The following CYP2C8 variants were observed in gnomAD, a reference collection of about 807,000 sequenced individuals.
CYP2C8 encodes cytochrome P450 family 2 subfamily C member 8, also known as cytochrome P450 2C8.
A neutral mutation model predicts 41.3 loss-of-function variants in CYP2C8; 51 were observed. That is an observed-to-expected ratio of 1.24 (90% CI 0.99 to 1.56). CYP2C8 has a LOEUF of 1.56. CYP2C8 is among the 40% of genes most tolerant of loss of function. CYP2C8 has a pLI of 0.00. For missense variants in CYP2C8, 651 were observed against 579.9 expected (o/e 1.12, Z -1.26); for synonymous variants, 218 against 205.8 (o/e 1.06, Z -0.51).
Position 95,067,228 on chromosome 10 carries a change from T to G in CYP2C8, c.461A>C (p.Glu154Ala), listed in dbSNP as rs759288662. 3.7e-6 allele frequency: 6 copies of G among 1,614,084 alleles called. No homozygotes were observed. Among genetic ancestry groups the G allele is most frequent in the Non-Finnish European group, 5.1e-6 (6 of 1,179,990 alleles). Residue 154 changes from glutamate (E) to alanine (A), a missense_variant, in exon 3 of 9, where the codon GAG (glutamate) becomes GCG (alanine). Glu to Ala is a moderately radical substitution (Grantham distance 107). Coordinates refer to ENST00000371270, the MANE Select transcript of CYP2C8 (RefSeq NM_000770.3). ...CCCACCCTTGGTTTTTCTCAACTCC[T>G]CCACAAGGCAGTGAGCTTCCTCTTG... ...RVQEEAHCLV[E>A]ELRKTKASPC...
rs777501435 is a variant in CYP2C8, at chr10:95,067,294, C to T, written c.395G>A (p.Arg132Gln). Residue 132 changes from arginine (R) to glutamine (Q), a missense_variant, in exon 3 of 9, where the codon CGG becomes CAG. Transcript: ENST00000371270. The part of the protein sequence containing the change: ...EIRRFSLTTL[R>Q]NFGMGKRSIE... ...GCTCCTCTTCCCCATCCCAAAATTC[C>T]GCAAGGTTGTGAGGGAGAAACGCCG... The T allele has an allele frequency of 3.6e-5, 58 of 1,614,022 alleles. No individual in the cohort carries two copies. Among genetic ancestry groups the T allele is most frequent in the African/African-American group, 1.7e-4 (13 of 74,900 alleles).
At chr10:95,067,873 GCCTGT>G (rs2033604834) in intron 1 of CYP2C8, among the ~76,000 whole-genome samples, 182 bp from the exon 2 acceptor site, 3 of 152,074 alleles carry the variant, frequency 2.0e-5, no homozygotes. Flanking sequence ...CTTATAGATG[GCCTGT>G]GATGTGCCAC....
chr10:95,047,557 A>G (rs931518634), intron 5 of CYP2C8, among the ~76,000 whole-genome samples: 1 of 152,196 alleles, frequency 6.6e-6, no homozygotes, highest in Non-Finnish European at 1.5e-5. Flanking sequence ...GTTGTAATCC[A>G]GATAGGCAAC....
At chr10:95,046,748 T>A (rs1295757598) in intron 5 of CYP2C8, among the ~76,000 whole-genome samples, 12 of 128,976 alleles carry the variant, frequency 9.3e-5, no homozygotes, top group Admixed American at 2.4e-4. Context: ...CTAAATATGG[T>A]AAAAAAAAAA....
At chr10:95,066,151 AGAGTGTGT>A (rs1485488173) in intron 3 of CYP2C8, among the ~76,000 whole-genome samples, 33 of 82,756 alleles carry the variant, frequency 4.0e-4, no homozygotes, top group African/African-American at 1.0e-3. Flanking sequence ...AGAGAGAGAG[AGAGTGTGT>A]GTGTGTGTGT....
rs776856979 is a variant in CYP2C8, at chr10:95,067,625, C to T, written c.235G>A (p.Gly79Arg). Reference protein sequence around the residue: ...FGMNPIVVFHGYEAVKEALID... With the variant: ...FGMNPIVVFHRYEAVKEALID... ...AGGGCTTCCTTCACTGCCTCATATC[C>T]ATGAAACACCACTATGGGATTCATG... The change falls in exon 2 of 9, where the codon GGA (glycine) becomes AGA (arginine). Residue 79 changes from glycine to arginine, a missense_variant. Transcript: ENST00000371270. 6.2e-7 allele frequency: 1 copy of T among 1,614,142 alleles called. No individual in the cohort carries two copies.
At chr10:95,058,085 C>T (rs1461492730) in intron 5 of CYP2C8, among the ~76,000 whole-genome samples, 1 of 152,004 alleles carries the variant, frequency 6.6e-6, no homozygotes, top group Non-Finnish European at 1.5e-5. Flanking sequence ...CATTTGACTG[C>T]AGTGTCTATA....
In CYP2C8 at chr10:95,042,359, A is replaced by C. The variant is rs562848511; in HGVS notation, c.1149+531T>G. Reference sequence around the variant, plus strand: ...AAGTTGTTAGATATAAGGTCATCAGAATAGTATAATTGAATACAATTACTT... The same window carrying C: ...AAGTTGTTAGATATAAGGTCATCAGCATAGTATAATTGAATACAATTACTT... On this transcript the variant is annotated intron_variant, in intron 7 of 8. Transcript: ENST00000371270. Among the ~76,000 whole-genome samples the C allele has an allele frequency of 7.9e-5, 12 of 152,250 alleles. 1 individual carries two copies. In the South Asian group the frequency reaches 2.3e-3, roughly 29 times the overall value.
chr10:95,068,571 T>G (rs948596185), intron 1 of CYP2C8: 3 of 1,285,546 alleles, frequency 2.3e-6, no homozygotes, highest in Non-Finnish European at 3.0e-6. Flanking sequence ...ACTTATTGGA[T>G]GAAATTTCTA....
chr10:95,039,001 T>C lies in CYP2C8; in HGVS notation c.1187A>G (p.His396Arg). 6.2e-7 allele frequency: 1 copy of C among 1,613,732 alleles called. No individual in the cohort carries two copies. Among genetic ancestry groups the C allele is most frequent in the Non-Finnish European group, 8.5e-7 (1 of 1,179,582 alleles). ...TGGATTAGGAAATTCTTTGTCATCA[T>C]GTAGCACGGAAGTCAGTAATGCCAT... ...TIMALLTSVL[H>R]DDKEFPNPNI... Residue 396 changes from histidine (H) to arginine (R), a missense_variant, in exon 8 of 9, where the codon CAT (histidine) becomes CGT (arginine). Transcript: ENST00000371270.
At position 95,065,075 on chromosome 10, in the gene CYP2C8, C is replaced by G. The variant is rs150980065; in HGVS notation, c.482-115G>C. On this transcript the variant is annotated intron_variant, in intron 3 of 8. Transcript: ENST00000371270. ...TTTAAACAATATCTTACAAATTCCC[C>G]ATGTGTCCAAAAAAAATCAGCATGG... The G allele has an allele frequency of 9.5e-4, 924 of 977,210 alleles. 8 individuals are homozygous for G. In the African/African-American group the frequency reaches 0.014, roughly 15 times the overall value. 60.5% of individuals were successfully genotyped at this position (977,210 alleles called of 1,614,324 possible).
At chr10:95,039,082 G>A (rs760794111) in intron 7 of CYP2C8, 44 bp from the exon 8 acceptor site, 1 of 1,553,984 alleles carries the variant, frequency 6.4e-7, no homozygotes, top group African/African-American at 1.4e-5. Flanking sequence ...AAGAAGTCCA[G>A]AAGTGAGGAG....
At chr10:95,047,150 T>A (rs1215258103) in intron 5 of CYP2C8, among the ~76,000 whole-genome samples, 3 of 152,168 alleles carry the variant, frequency 2.0e-5, no homozygotes, top group Non-Finnish European at 4.4e-5. Flanking sequence ...CCCTGAGGAC[T>A]CTCCAAAAGC....
At chr10:95,045,484 G>T (rs977142289) in intron 6 of CYP2C8, among the ~76,000 whole-genome samples, 4 of 152,090 alleles carry the variant, frequency 2.6e-5, no homozygotes, top group African/African-American at 9.7e-5. Context: ...GTTCAAAGTG[G>T]ACTTTTCATA....
chr10:95,065,379 A>G (rs958267787), intron 3 of CYP2C8, among the ~76,000 whole-genome samples: 1 of 152,236 alleles, frequency 6.6e-6, no homozygotes, highest in Non-Finnish European at 1.5e-5. Context: ...TATAGCTGAA[A>G]GTATAATGTG....
At chr10:95,048,941 G>A (rs1163873793) in intron 5 of CYP2C8, among the ~76,000 whole-genome samples, 1 of 152,062 alleles carries the variant, frequency 6.6e-6, no homozygotes, top group Non-Finnish European at 1.5e-5. Context: ...ATGTTTAAAA[G>A]CAATTTCAAC....
At chr10:95,054,343 A>C (rs2033270617) in intron 5 of CYP2C8, among the ~76,000 whole-genome samples, 2 of 152,162 alleles carry the variant, frequency 1.3e-5, no homozygotes, top group South Asian at 4.1e-4. Flanking sequence ...CTGAGAAAGC[A>C]TAAGACAAAA....
At chr10:95,049,335 T>C (rs1189234556) in intron 5 of CYP2C8, among the ~76,000 whole-genome samples, 1 of 152,100 alleles carries the variant, frequency 6.6e-6, no homozygotes, top group Non-Finnish European at 1.5e-5. Context: ...TTTAAATATA[T>C]ATCACTGAAA....
At chr10:95,053,611 T>C (rs2033252208) in intron 5 of CYP2C8, among the ~76,000 whole-genome samples, 1 of 152,122 alleles carries the variant, frequency 6.6e-6, no homozygotes, top group South Asian at 2.1e-4. Context: ...TTCATGTCCT[T>C]TTCAGGGACA....
Sources: allele counts gnomAD v4.1 joint callset (sites outside exome capture counted in the v4.1 genomes callset), GRCh38; gene constraint gnomAD v4.1.1; transcripts MANE v1.5; gene names NCBI Gene and HGNC (gene_info 2026-07-23, HGNC 2026-07-21).